PARVB: variants seen among roughly 807,000 people sequenced by gnomAD.
PARVB encodes parvin beta, also known as beta-parvin.
Under a neutral mutation model 47.0 loss-of-function variants are expected in PARVB, and 46 were observed. The ratio of observed to expected loss-of-function variants is 0.98; its 90% CI spans 0.77 to 1.25. The LOEUF (loss-of-function observed/expected upper bound fraction) is 1.25, where lower values mean the gene tolerates loss of function less well. Ranked by LOEUF, PARVB falls within the 50% of genes most tolerant of loss-of-function variation. The pLI is 0.00. For missense variants in PARVB, 473 were observed against 471.6 expected (o/e 1.00, Z -0.03); for synonymous variants, 196 against 196.3 (o/e 1.00, Z 0.01).
chr22:44,154,648 GTGGTTT>G (rs1205218159), intron 10 of PARVB, among the ~76,000 whole-genome samples: 1 of 138,068 alleles, frequency 7.2e-6, no homozygotes. Flanking sequence ...GTGTGTATTT[GTGGTTT>G]ACGTAGTCTG....
chr22:44,009,069 A>G (rs987833527), intron 2 of PARVB, among the ~76,000 whole-genome samples: 1 of 152,262 alleles, frequency 6.6e-6, no homozygotes, highest in Non-Finnish European at 1.5e-5. Context: ...TGATGTTTGA[A>G]TAGTCTTTTC....
chr22:44,033,072 C>T (rs2050852997), intron 1 of PARVB, among the ~76,000 whole-genome samples: 1 of 152,198 alleles, frequency 6.6e-6, no homozygotes, highest in African/African-American at 2.4e-5. Context: ...CTGTCTGTGG[C>T]TAGGAAGCAT....
At chr22:44,108,469 A>C (rs2052617117) in intron 3 of PARVB, 1 of 152,254 alleles carries the variant, frequency 6.6e-6, no homozygotes, top group Admixed American at 6.5e-5. Flanking sequence ...TGCTGTTGGA[A>C]TTTTCATGTG....
At chr22:44,021,202 C>T (rs745984736), upstream of PARVB, among the ~76,000 whole-genome samples, 2 of 152,168 alleles carry the variant, frequency 1.3e-5, no homozygotes, top group Non-Finnish European at 2.9e-5. Flanking sequence ...AGTGGTGAAG[C>T]CCCGCAAGGC....
intron 1 of PARVB, among the ~76,000 whole-genome samples, chr22:44,045,415 G>C (rs1471527621): frequency 6.6e-6 from 1 of 152,198 alleles, no homozygotes; most frequent in Non-Finnish European, 1.5e-5. Context: ...AACTTCTTTT[G>C]AGAAATCATT....
intron 1 of PARVB, among the ~76,000 whole-genome samples, chr22:44,057,095 T>C (rs1002668808): frequency 8.6e-5 from 13 of 151,888 alleles, no homozygotes; most frequent in African/African-American, 3.1e-4. Context: ...CTCTCTCTTT[T>C]TTTTTTGTCC....
intron 1 of PARVB, among the ~76,000 whole-genome samples, chr22:44,037,888 A>G (rs975540472): frequency 3.9e-5 from 6 of 152,244 alleles, no homozygotes; most frequent in Non-Finnish European, 8.8e-5. Flanking sequence ...TAGTGGCTTC[A>G]TGCTACTCCA....
At chr22:44,159,220 GATATGGCTGGT>G (rs1326937161) in intron 11 of PARVB, among the ~76,000 whole-genome samples, 1 of 152,228 alleles carries the variant, frequency 6.6e-6, no homozygotes, top group Non-Finnish European at 1.5e-5. Context: ...TCCAGGCCCC[GATATGGCTGGT>G]TGCAGACACA....
At chr22:44,110,430 C>G (rs115965501) in intron 3 of PARVB, 1 of 152,124 alleles carries the variant, frequency 6.6e-6, no homozygotes, top group Non-Finnish European at 1.5e-5. Flanking sequence ...CCTTTCTGTT[C>G]CGTGGGTCTG....
chr22:44,048,567 T>A (rs1380108323), intron 1 of PARVB, among the ~76,000 whole-genome samples: 1 of 151,780 alleles, frequency 6.6e-6, no homozygotes, highest in African/African-American at 2.4e-5. Flanking sequence ...TTATTTTTAT[T>A]TATTTATTTT....
chr22:44,012,553 T>G (rs1269228980), intron 2 of PARVB, among the ~76,000 whole-genome samples: 1 of 152,214 alleles, frequency 6.6e-6, no homozygotes, highest in Non-Finnish European at 1.5e-5. Flanking sequence ...GTTTAGATAT[T>G]ATGGTTACAG....
chr22:44,058,076 G>A (rs1186106114), intron 1 of PARVB, among the ~76,000 whole-genome samples: 1 of 152,154 alleles, frequency 6.6e-6, no homozygotes, highest in Non-Finnish European at 1.5e-5. Context: ...CTGGGCTCTT[G>A]AAAATAATAA....
At chr22:44,050,329 C>T (rs1369552672) in intron 1 of PARVB, among the ~76,000 whole-genome samples, 2 of 151,566 alleles carry the variant, frequency 1.3e-5, no homozygotes, top group African/African-American at 4.9e-5. Flanking sequence ...GACATTCCTA[C>T]AGGTGACCCC....
intron 1 of PARVB, among the ~76,000 whole-genome samples, chr22:44,029,784 C>G (rs2050791791): frequency 6.6e-6 from 1 of 152,128 alleles, no homozygotes; most frequent in South Asian, 2.1e-4. Context: ...GTGGCACACA[C>G]CTGTAATCCC....
chr22:44,030,366 C>T (rs1287672623), intron 1 of PARVB, among the ~76,000 whole-genome samples: 1 of 152,188 alleles, frequency 6.6e-6, no homozygotes, highest in Non-Finnish European at 1.5e-5. Context: ...GTAAATTAGC[C>T]CAGGGAGGGG....
rs532120099 is a variant in PARVB at position 44,013,347 on chromosome 22, T to C, written c.211+13674T>C. ...CCCAAGAATTTATTGTGGTCTAATT[T>C]ATATAGAGGGAAATGCACACGTTTC... On this transcript the variant is annotated intron_variant, in intron 2 of 13. Coordinates refer to the PARVB transcript ENST00000406477. 2.0e-5 allele frequency among the ~76,000 whole-genome samples: 3 copies of C among 152,328 alleles called. No homozygotes were observed. The South Asian group carries it at 6.2e-4, about 32-fold the overall frequency.
At chr22:44,065,859 A>G (rs200823059) in intron 1 of PARVB, among the ~76,000 whole-genome samples, 11 of 144,614 alleles carry the variant, frequency 7.6e-5, no homozygotes, top group Admixed American at 1.4e-4. Context: ...GTGTGTGTGC[A>G]TGTGTGTGTG....
chr22:44,025,796 G>A (rs1811488284), intron 1 of PARVB, among the ~76,000 whole-genome samples: 1 of 152,122 alleles, frequency 6.6e-6, no homozygotes, highest in Non-Finnish European at 1.5e-5. Flanking sequence ...CCTCTTTATG[G>A]CTTGCAACGA....
At chr22:44,022,747 AT>A (rs56956306), upstream of PARVB, among the ~76,000 whole-genome samples, 42,970 of 147,760 alleles carry the variant, frequency 0.29, 7,624 homozygotes, top group African/African-American at 0.51. Context: ...TTTATTTTTT[AT>A]TTTTTTTTTA....
Sources: allele counts gnomAD v4.1 joint callset (sites outside exome capture counted in the v4.1 genomes callset), GRCh38; gene constraint gnomAD v4.1.1; transcripts MANE v1.5; gene names NCBI Gene and HGNC (gene_info 2026-07-23, HGNC 2026-07-21).